Variants in MEGF11 observed in about 807,000 individuals in gnomAD.
MEGF11 encodes multiple EGF like domains 11.
A neutral mutation model predicts 146.6 loss-of-function variants in MEGF11; 126 were observed. That is an observed-to-expected ratio of 0.86 (90% CI 0.74 to 1.00). MEGF11 has a LOEUF of 1.00. Ranked by LOEUF, MEGF11 falls within the 50% of genes least tolerant of loss-of-function variation. The pLI is 0.00. For synonymous variants in MEGF11, 532 were observed against 583.4 expected, an observed-to-expected ratio of 0.91 and a Z score of 1.27; for missense variants, 1,509 against 1,521.2, an observed-to-expected ratio of 0.99 and a Z score of 0.13.
chr15:66,018,875 A>G (rs546292631), intron 5 of MEGF11, among the ~76,000 whole-genome samples: 146 of 152,340 alleles, frequency 9.6e-4, no homozygotes, highest in African/African-American at 3.5e-3. Context: ...AGATGTGTAG[A>G]GCAGGAGAGA....
At chr15:66,253,372 C>T (rs112753173) in intron 1 of MEGF11, among the ~76,000 whole-genome samples, 12,314 of 152,272 alleles carry the variant, frequency 0.081, 1,613 homozygotes, top group African/African-American at 0.28. Context: ...GCCCTACATC[C>T]TGCCGGACCC....
At chr15:66,025,902 C>T (rs1321539739) in intron 5 of MEGF11, among the ~76,000 whole-genome samples, 1 of 152,192 alleles carries the variant, frequency 6.6e-6, no homozygotes, top group Non-Finnish European at 1.5e-5. Context: ...CAATGCCTCC[C>T]AACTGCACAG....
chr15:66,101,190 G>T (rs2086792690), intron 4 of MEGF11, among the ~76,000 whole-genome samples: 1 of 152,102 alleles, frequency 6.6e-6, no homozygotes, highest in Non-Finnish European at 1.5e-5. Context: ...GACATAGGAA[G>T]AGCTTCACAG....
At chr15:66,045,831 G>A (rs1225704880) in intron 5 of MEGF11, among the ~76,000 whole-genome samples, 8 of 152,108 alleles carry the variant, frequency 5.3e-5, no homozygotes, top group African/African-American at 9.7e-5. Flanking sequence ...GGCTAGGCAC[G>A]GTGGCTCACG....
intron 3 of MEGF11, among the ~76,000 whole-genome samples, chr15:66,122,933 A>G (rs1305522045): frequency 2.6e-5 from 4 of 151,960 alleles, no homozygotes; most frequent in East Asian, 1.9e-4. Context: ...ACAGGCGCCC[A>G]CCACCACGCC....
chr15:66,115,238 G>A (rs530594247), intron 4 of MEGF11, among the ~76,000 whole-genome samples: 3 of 152,322 alleles, frequency 2.0e-5, no homozygotes, highest in Non-Finnish European at 4.4e-5. Flanking sequence ...GAGGTTCTCT[G>A]GCCTCTGAGC....
At chr15:66,120,232 G>C (rs1318461685) in intron 3 of MEGF11, among the ~76,000 whole-genome samples, 1 of 152,216 alleles carries the variant, frequency 6.6e-6, no homozygotes, top group Non-Finnish European at 1.5e-5. Flanking sequence ...TGAGTCCTTA[G>C]AAGGAAATCA....
intron 1 of MEGF11, among the ~76,000 whole-genome samples, chr15:66,185,858 G>A (rs1309290462): frequency 1.3e-5 from 2 of 152,184 alleles, no homozygotes; most frequent in Non-Finnish European, 2.9e-5. Flanking sequence ...GGGCCAGGCA[G>A]GGGCTTAAAA....
Position 65,955,754 on chromosome 15 carries a change from A to ATT in MEGF11, c.1287+1792_1287+1793insAA, listed in dbSNP as rs1250254506. 1.8e-3 allele frequency among the ~76,000 whole-genome samples: 40 copies of ATT among 22,828 alleles called. 3 individuals carry two copies. Among genetic ancestry groups the ATT allele is most frequent in the Non-Finnish European group, 2.2e-3 (23 of 10,612 alleles). The allele number at this position is 22,828 out of a possible 152,430, so 15.0% of individuals were successfully genotyped here. A position where few individuals can be genotyped will look rare whatever the true frequency, so the allele number is the denominator to read the frequency against. On this transcript the variant is annotated intron_variant, in intron 10 of 25. Transcript: ENST00000395614. ...GTGAGACTCTTAAAAAAAAAAAAAAAAAAAAAAATATATATATATATATAT... is the reference window on the plus strand; with the variant it reads ...GTGAGACTCTTAAAAAAAAAAAAAAATTAAAAAAAATATATATATATATATAT...
chr15:66,249,813 T>C (rs1270110128), intron 1 of MEGF11, among the ~76,000 whole-genome samples: 1 of 152,226 alleles, frequency 6.6e-6, no homozygotes. Flanking sequence ...AATCAGAAAC[T>C]TGGGAGTGTG....
At position 65,899,774 on chromosome 15, in the gene MEGF11, C is replaced by G. The variant is rs542408801; in HGVS notation, c.3056-840G>C. Among the ~76,000 whole-genome samples the G allele has an allele frequency of 1.7e-4, 26 of 152,256 alleles. No homozygotes were observed. In the South Asian group the frequency reaches 4.6e-3, roughly 27 times the overall value. On this transcript the variant is annotated intron_variant, in intron 24 of 25. Transcript: ENST00000395614. ...GCTTACCCCCCTGTTCTTGTCAATG[C>G]TAACTGAAACCTATTTCAGCAGTAT...
At chr15:66,033,100 A>AG (rs1567210596) in intron 5 of MEGF11, among the ~76,000 whole-genome samples, 1 of 143,116 alleles carries the variant, frequency 7.0e-6, no homozygotes, top group Admixed American at 7.0e-5. Context: ...AAAAAAAAAA[A>AG]AAAAAGAAGC....
chr15:66,011,720 C>CTATTATTAT (rs55863629), intron 5 of MEGF11, among the ~76,000 whole-genome samples: 20,739 of 149,150 alleles, frequency 0.14, 1,812 homozygotes, highest in East Asian at 0.45. Flanking sequence ...GGGAATTTAG[C>CTATTATTAT]TATTATTATT....
chr15:66,050,470 G>A (rs563966925), intron 5 of MEGF11, among the ~76,000 whole-genome samples: 1 of 152,308 alleles, frequency 6.6e-6, no homozygotes, highest in Admixed American at 6.5e-5. Flanking sequence ...AGGCCCTGAG[G>A]TTCCTGAGAG....
At chr15:66,087,745 G>A (rs1302508743) in intron 5 of MEGF11, among the ~76,000 whole-genome samples, 1 of 152,008 alleles carries the variant, frequency 6.6e-6, no homozygotes, top group Non-Finnish European at 1.5e-5. Flanking sequence ...ATAACCTAAG[G>A]TCACACCTCA....
intron 1 of MEGF11, among the ~76,000 whole-genome samples, chr15:66,143,456 C>A (rs184908705): frequency 6.6e-6 from 1 of 152,204 alleles, no homozygotes; most frequent in Non-Finnish European, 1.5e-5. Context: ...TCACCAAGCC[C>A]CTGTCCCATG....
intron 1 of MEGF11, among the ~76,000 whole-genome samples, chr15:66,206,546 AT>A (rs1293772411): frequency 6.6e-6 from 1 of 152,156 alleles, no homozygotes; most frequent in Non-Finnish European, 1.5e-5. Flanking sequence ...GCCAGAAGTT[AT>A]TTTTTTAAAA....
chr15:66,218,983 A>AAAAAAAAAAC (rs1336179356), intron 1 of MEGF11, among the ~76,000 whole-genome samples: 1 of 150,784 alleles, frequency 6.6e-6, no homozygotes, highest in Non-Finnish European at 1.5e-5. Context: ...CACAGGCAAA[A>AAAAAAAAAAC]AAAAAAAAAA....
intron 4 of MEGF11, among the ~76,000 whole-genome samples, chr15:66,099,839 C>A (rs1040444371): frequency 6.6e-6 from 1 of 152,078 alleles, no homozygotes; most frequent in African/African-American, 2.4e-5. Flanking sequence ...GAATGGCCTG[C>A]GTTAGGCAGG....
Sources: allele counts gnomAD v4.1 joint callset (sites outside exome capture counted in the v4.1 genomes callset), GRCh38; gene constraint gnomAD v4.1.1; transcripts MANE v1.5; gene names NCBI Gene and HGNC (gene_info 2026-07-23, HGNC 2026-07-21).